Variants in CRYBG2 observed in about 807,000 individuals in gnomAD.
CRYBG2 encodes the protein crystallin beta-gamma domain containing 2.
A neutral mutation model predicts 153.4 loss-of-function variants in CRYBG2; 106 were observed. The ratio of observed to expected loss-of-function variants is 0.69; its 90% CI spans 0.59 to 0.81. CRYBG2 has a LOEUF of 0.81. CRYBG2 is among the 30% of genes least tolerant of loss of function. The pLI is 0.00. For missense variants in CRYBG2, 1,996 were observed against 2,112.0 expected (o/e 0.95, Z 1.08); for synonymous variants, 851 against 877.8 (o/e 0.97, Z 0.54).
intron 17 of CRYBG2, among the ~76,000 whole-genome samples, chr1:26,327,948 CAA>C (rs71581056): frequency 1.9e-5 from 2 of 105,038 alleles, no homozygotes; most frequent in Admixed American, 1.1e-4. Context: ...CTCTGTCACA[CAA>C]AAAAAAAAAA....
At chr1:26,326,266 G>A (rs2073925627) in intron 17 of CRYBG2, among the ~76,000 whole-genome samples, 1 of 152,044 alleles carries the variant, frequency 6.6e-6, no homozygotes, top group South Asian at 2.1e-4. Flanking sequence ...GGCTGGGCAT[G>A]GTAGCTCACA....
chr1:26,334,558 A>C (rs1173211515), intron 14 of CRYBG2, among the ~76,000 whole-genome samples: 1 of 152,230 alleles, frequency 6.6e-6, no homozygotes, highest in Non-Finnish European at 1.5e-5. Context: ...TATTATTTCA[A>C]ATGTGTTTAA....
At chr1:26,327,882 G>A (rs1426864961) in intron 17 of CRYBG2, among the ~76,000 whole-genome samples, 11 of 151,192 alleles carry the variant, frequency 7.3e-5, no homozygotes, top group Non-Finnish European at 1.3e-4. Context: ...GGGAGGTGGA[G>A]GCTGCAGTGA....
chr1:26,328,904 C>G (rs774982848), intron 15 of CRYBG2, 31 bp from the exon 16 acceptor site: 1 of 1,611,726 alleles, frequency 6.2e-7, no homozygotes, highest in Non-Finnish European at 8.5e-7. Flanking sequence ...GAGGGTGAGG[C>G]TCTGAGAGCC....
At chr1:26,326,880 T>A in intron 17 of CRYBG2, 1 of 496,140 alleles carries the variant, frequency 2.0e-6, no homozygotes, top group Admixed American at 2.1e-5. Context: ...AAAGTTCTTA[T>A]GAGATTGTCC....
At position 26,346,281 on chromosome 1, in the gene CRYBG2, T is replaced by A; in HGVS notation, c.377A>T (p.Gln126Leu). 1.3e-6 allele frequency: 2 copies of A among 1,594,988 alleles called. No individual in the cohort carries two copies. Among genetic ancestry groups the A allele is most frequent in the Non-Finnish European group, 1.7e-6 (2 of 1,176,962 alleles). The change falls in exon 2 of 20, where the codon CAA becomes CTA. Residue 126 changes from glutamine (Q) to leucine (L), a missense_variant. Physicochemically the swap from Gln to Leu is moderately radical, Grantham distance 113. Coordinates refer to ENST00000308182, the MANE Select transcript of CRYBG2 (RefSeq NM_001039775.4). This position sits in a 1 kb window ranked among gnomAD's most constrained non-coding sequence, Gnocchi z 4.9. ...EAVDQSDGSR[Q>L]APRTEPPCVG... ...ACATGGGGGCTCAGTCCTGGGAGCT[T>A]GGCGGCTGCCATCACTCTGGTCCAC...
chr1:26,347,570 G>C (rs1350228629), intron 1 of CRYBG2, among the ~76,000 whole-genome samples: 1 of 151,464 alleles, frequency 6.6e-6, no homozygotes, highest in Non-Finnish European at 1.5e-5. Flanking sequence ...CTCACTGCAA[G>C]CTCCACATCC....
At chr1:26,353,292 C>T (rs1318621518) in intron 1 of CRYBG2, among the ~76,000 whole-genome samples, 2 of 152,108 alleles carry the variant, frequency 1.3e-5, no homozygotes, top group African/African-American at 2.4e-5. Flanking sequence ...CCCCATCATC[C>T]TTAAGCACCC....
Position 26,346,647 on chromosome 1 carries a change from G to GCCT in CRYBG2, c.8_10dup (p.Glu3dup), listed in dbSNP as rs141177722. On this transcript the variant is annotated inframe_insertion, in exon 2 of 20. Transcript: ENST00000308182. The surrounding 1 kb of genome is among the most constrained non-coding windows in gnomAD (Gnocchi z 4.9). ...CTTGGCCCGGGCCATGGGCCCACCT[G>GCCT]CCTCCTCCATGTGGGGCCCTGGCAA... 4,538 of 1,542,556 alleles carry GCCT rather than the reference G, an allele frequency of 2.9e-3. 113 individuals carry two copies. The African/African-American group carries it at 0.048, about 16-fold the overall frequency.
rs2074159203 is a variant in CRYBG2, at chr1:26,343,505, C to T, written c.2914-212G>A. ...TGCTCATCACCCGCCTTCCTCAGCT[C>T]CCAGGATCTTGGAGCCCCCACACCC... On this transcript the variant is annotated intron_variant, in intron 2 of 19. Coordinates refer to ENST00000308182, the MANE Select transcript of CRYBG2 (RefSeq NM_001039775.4). This position sits in a 1 kb window ranked among gnomAD's most constrained non-coding sequence, Gnocchi z 4.1. Among the ~76,000 whole-genome samples the T allele has an allele frequency of 6.6e-6, 1 of 152,292 alleles. No individual in the cohort carries two copies. The highest frequency in any genetic ancestry group is 2.4e-5 in the African/African-American group (1 of 41,558).
chr1:26,334,110 A>G (rs2074027675), intron 14 of CRYBG2, among the ~76,000 whole-genome samples: 1 of 152,106 alleles, frequency 6.6e-6, no homozygotes, highest in South Asian at 2.1e-4. Flanking sequence ...GCCCAGCTTC[A>G]TGGTAATTAT....
chr1:26,349,762 T>G lies in CRYBG2; in HGVS notation c.-55-3050A>C, dbSNP rs1290950962. On this transcript the variant is annotated intron_variant, in intron 1 of 19. Transcript: ENST00000308182. ...TTAATATACTCATGGATTAATAGAT[T>G]AATGGTTTAATGGATTAATGAGTGA... is the stretch of plus-strand genomic sequence containing the variant. 5.3e-5 allele frequency among the ~76,000 whole-genome samples: 8 copies of G among 151,654 alleles called. No individual in the cohort carries two copies. The South Asian group carries it at 1.3e-3, about 24-fold the overall frequency.
Position 26,336,293 on chromosome 1 carries a change from G to C in CRYBG2, c.4071+45C>G. The stretch of plus-strand genomic sequence containing the variant: ...GGGAGGGGAAAGGTCCGAAATGAGG[G>C]GAGAGACGTGAGCCCAGCGGCTCCC... On this transcript the variant is annotated intron_variant, in intron 13 of 19. Transcript: ENST00000308182. The surrounding 1 kb of genome is among the most constrained non-coding windows in gnomAD (Gnocchi z 4.9). 6.2e-7 allele frequency: 1 copy of C among 1,611,246 alleles called. No individual in the cohort carries two copies. Among genetic ancestry groups the C allele is most frequent in the Non-Finnish European group, 8.5e-7 (1 of 1,178,496 alleles).
chr1:26,333,014 CAAAAAAAAAAAAAAAAAAAA>C (rs59155910), intron 14 of CRYBG2, among the ~76,000 whole-genome samples: 31 of 71,946 alleles, frequency 4.3e-4, no homozygotes, highest in Non-Finnish European at 5.9e-4. Flanking sequence ...CACCAAACCC[CAAAAAAAAAAAAAAAAAAAA>C]AAAAAAAAAA....
chr1:26,343,779 T>A lies in CRYBG2; in HGVS notation c.2879A>T (p.Glu960Val). ...CAGGGGCAGGGAACAGGCAAGCTTC[T>A]CCGTTGGGGATGATCTTTCACTGCA... ...LLCSERSSPT[E>V]KLACSLPLEG... is the part of the protein sequence containing the mutation. Residue 960 changes from glutamate (E) to valine (V), a missense_variant, in exon 2 of 20, where the codon GAG (glutamate) becomes GTG (valine). Transcript: ENST00000308182. The surrounding 1 kb of genome is among the most constrained non-coding windows in gnomAD (Gnocchi z 4.1). 2 of 1,448,360 alleles carry A rather than the reference T, an allele frequency of 1.4e-6. No individual in the cohort carries two copies. The highest frequency in any genetic ancestry group is 1.8e-6 in the Non-Finnish European group (2 of 1,097,882). The allele number at this position is 1,448,360 out of a possible 1,614,324, so 89.7% of individuals were successfully genotyped here.
intron 14 of CRYBG2, among the ~76,000 whole-genome samples, chr1:26,333,020 A>C (rs1570177791): frequency 4.4e-5 from 4 of 91,892 alleles, no homozygotes; most frequent in Admixed American, 3.3e-4. Flanking sequence ...ACCCCAAAAA[A>C]AAAAAAAAAA....
At position 26,321,973 on chromosome 1, in the gene CRYBG2, G is replaced by C; in HGVS notation, c.4981C>G (p.Leu1661Val). 1 of 1,574,950 alleles carries C rather than the reference G, an allele frequency of 6.3e-7. No homozygotes were observed. Among genetic ancestry groups the C allele is most frequent in the Non-Finnish European group, 8.7e-7 (1 of 1,153,628 alleles). ...RASQIWTIHV[L>V] ...GGAGGGTGAGGGGAAAAGTTTCAAA[G>C]CACGTGGATAGTCCAGATCTGGGAT... The change falls in exon 20 of 20, where the codon CTT becomes GTT. Residue 1661 changes from leucine (L) to valine (V), a missense_variant. Leu to Val is a conservative substitution (Grantham distance 32, BLOSUM62 1). Coordinates refer to ENST00000308182, the MANE Select transcript of CRYBG2 (RefSeq NM_001039775.4).
At chr1:26,332,117 C>T (rs1390985184) in intron 14 of CRYBG2, among the ~76,000 whole-genome samples, 1 of 150,590 alleles carries the variant, frequency 6.6e-6, no homozygotes, top group African/African-American at 2.5e-5. Flanking sequence ...ACCATCCTGG[C>T]TAACACAGTG....
intron 17 of CRYBG2, chr1:26,326,834 C>T: frequency 1.9e-6 from 1 of 515,120 alleles, no homozygotes; most frequent in Admixed American, 2.0e-5. Context: ...TGGCGTGTGC[C>T]CAGGCAGACT....
Sources: gnomAD v4.1 joint callset for allele counts (sites outside exome capture counted in the v4.1 genomes callset) on GRCh38, gnomAD v4.1.1 for gene constraint, Gnocchi (gnomAD v3.1) non-coding constraint, MANE v1.5 for transcripts, NCBI Gene and HGNC (gene_info 2026-07-23, HGNC 2026-07-21) for gene names.